Variants in GRK5 observed in about 807,000 individuals in gnomAD.
The protein encoded by GRK5 is g protein-coupled receptor kinase GRK5.
In GRK5, 40 loss-of-function variants were observed where a neutral mutation model predicts 78.4. The ratio of observed to expected loss-of-function variants is 0.51; its 90% CI spans 0.40 to 0.66. The LOEUF (loss-of-function observed/expected upper bound fraction) is 0.66. GRK5 is among the 30% of genes least tolerant of loss of function. The pLI, the probability that GRK5 is intolerant of heterozygous loss-of-function variation, is 0.00. For missense variants in GRK5, 598 were observed against 759.9 expected (o/e 0.79, Z 2.50); for synonymous variants, 289 against 296.8 (o/e 0.97, Z 0.27).
chr10:119,369,473 C>T (rs1344163517), intron 2 of GRK5, among the ~76,000 whole-genome samples: 1 of 152,180 alleles, frequency 6.6e-6, no homozygotes, highest in African/African-American at 2.4e-5. Context: ...TTCCCCAGGC[C>T]CCGCACGGAA....
chr10:119,308,401 G>C (rs571379601), intron 1 of GRK5, among the ~76,000 whole-genome samples: 1 of 151,724 alleles, frequency 6.6e-6, no homozygotes, highest in South Asian at 2.1e-4. Context: ...AAGGGCTCTC[G>C]CTGCTGCTTC....
intron 9 of GRK5, among the ~76,000 whole-genome samples, chr10:119,438,407 C>G (rs1007466471): frequency 6.6e-6 from 1 of 152,168 alleles, no homozygotes; most frequent in African/African-American, 2.4e-5. Flanking sequence ...GTTTGAAGAC[C>G]TTTGCAGTGG....
intron 2 of GRK5, among the ~76,000 whole-genome samples, chr10:119,366,184 C>T (rs180794984): frequency 2.6e-5 from 4 of 152,102 alleles, no homozygotes; most frequent in Non-Finnish European, 5.9e-5. Context: ...TTCTGGACCC[C>T]GGGGACTTTA....
intron 12 of GRK5, among the ~76,000 whole-genome samples, chr10:119,444,645 G>A (rs79074659): frequency 0.022 from 3,414 of 152,252 alleles, 42 homozygotes; most frequent in Middle Eastern, 0.031. Flanking sequence ...AGGGACAGGA[G>A]GGGCCGGAGC....
At position 119,442,967 on chromosome 10, in the gene GRK5, A is replaced by T. The variant is rs572726698; in HGVS notation, c.1058-577A>T. Among the ~76,000 whole-genome samples the T allele has an allele frequency of 8.5e-5, 13 of 152,228 alleles. No individual in the cohort carries two copies. In the Middle Eastern group the frequency reaches 0.01, roughly 119 times the overall value. ...GATAGATCTGCCTACCTGTGTGTGC[A>T]TTTGCCTGGGTCTCCTTTTGCAGAG... On this transcript the variant is annotated intron_variant, in intron 11 of 15. Transcript: ENST00000392870.
intron 1 of GRK5, among the ~76,000 whole-genome samples, chr10:119,326,311 G>T (rs1267030503): frequency 6.6e-6 from 1 of 152,220 alleles, no homozygotes; most frequent in Non-Finnish European, 1.5e-5. Flanking sequence ...GGTCAGGCAG[G>T]ACTGTGCGGG....
chr10:119,338,396 G>A (rs977635775), intron 2 of GRK5, among the ~76,000 whole-genome samples: 1 of 152,144 alleles, frequency 6.6e-6, no homozygotes, highest in African/African-American at 2.4e-5. Context: ...GAAAGTCACC[G>A]CTAATTTTAC....
chr10:119,419,919 C>T (rs757005195), intron 4 of GRK5, among the ~76,000 whole-genome samples: 2 of 152,230 alleles, frequency 1.3e-5, no homozygotes, highest in Non-Finnish European at 2.9e-5. Flanking sequence ...CACCCTGGTC[C>T]TCATGCTGAG....
At chr10:119,382,716 T>G (rs1851733011) in intron 3 of GRK5, among the ~76,000 whole-genome samples, 1 of 152,198 alleles carries the variant, frequency 6.6e-6, no homozygotes, top group Admixed American at 6.5e-5. Flanking sequence ...TCCAGTGTTC[T>G]CATACATTTT....
intron 1 of GRK5, among the ~76,000 whole-genome samples, chr10:119,301,579 G>A (rs1007691129): frequency 3.6e-4 from 55 of 152,294 alleles, no homozygotes; most frequent in African/African-American, 1.1e-3. Context: ...CCATCCGATG[G>A]CTGCTGAGGA....
chr10:119,353,670 C>T (rs1851218292), intron 2 of GRK5, among the ~76,000 whole-genome samples: 1 of 152,204 alleles, frequency 6.6e-6, no homozygotes, highest in Admixed American at 6.5e-5. Context: ...TTGACGCACT[C>T]AGAAAGCAGT....
intron 1 of GRK5, 107 bp from the exon 2 acceptor site, chr10:119,326,409 A>T: frequency 1.2e-6 from 1 of 826,188 alleles, no homozygotes; most frequent in Non-Finnish European, 2.0e-6. Flanking sequence ...CTTGGCCTAC[A>T]GCCCGTCCCT....
intron 2 of GRK5, among the ~76,000 whole-genome samples, chr10:119,376,404 C>T (rs994972973): frequency 1.3e-5 from 2 of 152,140 alleles, no homozygotes; most frequent in African/African-American, 4.8e-5. Flanking sequence ...AGAAGATACC[C>T]TTAACATCAA....
chr10:119,279,758 C>T (rs1030779684), intron 1 of GRK5, among the ~76,000 whole-genome samples: 2 of 152,228 alleles, frequency 1.3e-5, no homozygotes, highest in African/African-American at 4.8e-5. Flanking sequence ...CCAGTAACTG[C>T]CTGGTGTTCT....
At chr10:119,308,292 G>A (rs1238758428) in intron 1 of GRK5, among the ~76,000 whole-genome samples, 1 of 152,034 alleles carries the variant, frequency 6.6e-6, no homozygotes, top group Non-Finnish European at 1.5e-5. Context: ...ACCCTGCCCC[G>A]GCCTCAGCTT....
intron 1 of GRK5, among the ~76,000 whole-genome samples, chr10:119,299,705 G>C (rs2133719006): frequency 6.6e-6 from 1 of 152,252 alleles, no homozygotes; most frequent in East Asian, 1.9e-4. Context: ...GGTTGAAGGT[G>C]CCCTTGACCA....
At chr10:119,349,192 C>T (rs1851150985) in intron 2 of GRK5, among the ~76,000 whole-genome samples, 1 of 152,144 alleles carries the variant, frequency 6.6e-6, no homozygotes, top group Non-Finnish European at 1.5e-5. Flanking sequence ...CCGTGGTCAG[C>T]ATGGGAGGGA....
At chr10:119,215,092 G>A (rs541686823) in intron 1 of GRK5, among the ~76,000 whole-genome samples, 10 of 152,316 alleles carry the variant, frequency 6.6e-5, no homozygotes, top group Admixed American at 5.9e-4. Flanking sequence ...GGGAATGACC[G>A]AAAAGATTAA....
chr10:119,259,065 CTTTTT>C (rs397950981), intron 1 of GRK5, among the ~76,000 whole-genome samples: 1 of 130,196 alleles, frequency 7.7e-6, no homozygotes, highest in Non-Finnish European at 1.6e-5. Flanking sequence ...CTTTCTTTTT[CTTTTT>C]TTTTTTTTTT....
Sources: gnomAD v4.1 joint callset for allele counts (sites outside exome capture counted in the v4.1 genomes callset) on GRCh38, gnomAD v4.1.1 for gene constraint, MANE v1.5 for transcripts, NCBI Gene and HGNC (gene_info 2026-07-23, HGNC 2026-07-21) for gene names.